The following EXT1 variants were observed in gnomAD, a reference collection of about 807,000 sequenced individuals.
EXT1 encodes the protein exostosin-1.
In EXT1, 20 loss-of-function variants were observed where a neutral mutation model predicts 82.5. The ratio of observed to expected loss-of-function variants is 0.24; its 90% CI spans 0.17 to 0.35. The LOEUF is 0.35. Among genes scored for constraint, EXT1 ranks in the 10% least tolerant of loss-of-function variants. EXT1 has a pLI of 1.00. For synonymous variants in EXT1, 348 were observed against 350.8 expected (o/e 0.99, Z 0.09); for missense variants, 757 against 936.5 (o/e 0.81, Z 2.50).
chr8:118,027,871 C>T (rs943728600), intron 1 of EXT1, among the ~76,000 whole-genome samples: 11 of 152,224 alleles, frequency 7.2e-5, no homozygotes, highest in Non-Finnish European at 1.5e-5. Flanking sequence ...GAATTATTAC[C>T]TTTTATTAGT....
At chr8:117,940,729 A>G (rs1814255857) in intron 1 of EXT1, among the ~76,000 whole-genome samples, 1 of 152,194 alleles carries the variant, frequency 6.6e-6, no homozygotes, top group Non-Finnish European at 1.5e-5. Flanking sequence ...TGGTCTGGGA[A>G]AAACTTTACA....
At chr8:118,065,620 T>A (rs922235167) in intron 1 of EXT1, among the ~76,000 whole-genome samples, 1 of 152,244 alleles carries the variant, frequency 6.6e-6, no homozygotes, top group African/African-American at 2.4e-5. Context: ...AACTGCATAT[T>A]GTGTTGGGCA....
chr8:118,085,448 G>A (rs1448775749), intron 1 of EXT1, among the ~76,000 whole-genome samples: 1 of 143,858 alleles, frequency 7.0e-6, no homozygotes, highest in Non-Finnish European at 1.5e-5. Flanking sequence ...CTAAAGGGTT[G>A]TTTTGTTTGT....
chr8:118,076,554 A>G lies in EXT1; in HGVS notation c.962+33531T>C, dbSNP rs1406358745. Among the ~76,000 whole-genome samples, 3 of 152,218 alleles carry G rather than the reference A, an allele frequency of 2.0e-5. No individual in the cohort carries two copies. In the East Asian group the frequency reaches 5.8e-4, roughly 29 times the overall value. ...ACCTCCTCAAAGGCCTTGAAGGCCAATGGCTGTGTTATTCACCCTCATGCC... is the reference window on the plus strand; with the variant it reads ...ACCTCCTCAAAGGCCTTGAAGGCCAGTGGCTGTGTTATTCACCCTCATGCC... On this transcript the variant is annotated intron_variant, in intron 1 of 10. Transcript: ENST00000378204.
At chr8:118,059,169 G>T (rs11562814) in intron 1 of EXT1, among the ~76,000 whole-genome samples, 1 of 152,054 alleles carries the variant, frequency 6.6e-6, no homozygotes, top group South Asian at 2.1e-4. Flanking sequence ...TTCAGAGCAG[G>T]TACAAGCCTT....
intron 1 of EXT1, among the ~76,000 whole-genome samples, chr8:117,957,378 G>C (rs1345011227): frequency 6.6e-6 from 1 of 152,192 alleles, no homozygotes; most frequent in Non-Finnish European, 1.5e-5. Context: ...AGAGATGCTG[G>C]GGCCTCTAAT....
At chr8:117,911,851 A>G (rs1052642476) in intron 1 of EXT1, among the ~76,000 whole-genome samples, 1 of 152,244 alleles carries the variant, frequency 6.6e-6, no homozygotes, top group African/African-American at 2.4e-5. Context: ...GCAAGCACTC[A>G]GTAAATATTT....
At chr8:117,978,210 G>C (rs1411231243) in intron 1 of EXT1, among the ~76,000 whole-genome samples, 1 of 152,220 alleles carries the variant, frequency 6.6e-6, no homozygotes, top group Non-Finnish European at 1.5e-5. Flanking sequence ...TTAGTATACA[G>C]CAATAAAGGG....
chr8:117,829,239 T>C (rs1316630235), intron 4 of EXT1, among the ~76,000 whole-genome samples: 1 of 152,166 alleles, frequency 6.6e-6, no homozygotes, highest in Non-Finnish European at 1.5e-5. Context: ...AGGCCAATGC[T>C]ATCTGCTCTA....
intron 1 of EXT1, among the ~76,000 whole-genome samples, chr8:117,864,792 T>C (rs17474957): frequency 0.034 from 5,082 of 149,820 alleles, 299 homozygotes; most frequent in African/African-American, 0.12. Flanking sequence ...AATCTCATAA[T>C]GCTTCAGGAA....
At chr8:118,105,338 T>A (rs905748181) in intron 1 of EXT1, among the ~76,000 whole-genome samples, 1 of 152,188 alleles carries the variant, frequency 6.6e-6, no homozygotes. Context: ...TGGCCTCCAA[T>A]GGGCAGGACC....
At chr8:118,078,929 A>C (rs9297575) in intron 1 of EXT1, among the ~76,000 whole-genome samples, 53,532 of 152,118 alleles carry the variant, frequency 0.35, 10,506 homozygotes, top group Admixed American at 0.45. Flanking sequence ...GTGCAAAAAA[A>C]GTGCTGCAAA....
At chr8:117,948,776 A>C (rs1814436782) in intron 1 of EXT1, among the ~76,000 whole-genome samples, 1 of 152,188 alleles carries the variant, frequency 6.6e-6, no homozygotes, top group Non-Finnish European at 1.5e-5. Flanking sequence ...AAACCCTAGT[A>C]ATTTGTCTTG....
intron 1 of EXT1, among the ~76,000 whole-genome samples, chr8:118,086,891 T>C (rs565593669): frequency 6.6e-6 from 1 of 152,324 alleles, no homozygotes; most frequent in Admixed American, 6.5e-5. Flanking sequence ...AGGTTGTTTC[T>C]GAAACTTCCC....
At chr8:117,996,175 T>C (rs980135375) in intron 1 of EXT1, among the ~76,000 whole-genome samples, 5 of 152,062 alleles carry the variant, frequency 3.3e-5, no homozygotes, top group Non-Finnish European at 7.4e-5. Context: ...AGCCACCATA[T>C]GAGGAGGAAC....
intron 1 of EXT1, among the ~76,000 whole-genome samples, chr8:118,066,284 T>G (rs977005487): frequency 6.6e-6 from 1 of 152,084 alleles, no homozygotes; most frequent in Non-Finnish European, 1.5e-5. Flanking sequence ...ATAGTAAATA[T>G]ATTTTCTCTT....
At chr8:117,847,225 T>C (rs1812376870) in intron 1 of EXT1, among the ~76,000 whole-genome samples, 1 of 152,208 alleles carries the variant, frequency 6.6e-6, no homozygotes, top group South Asian at 2.1e-4. Context: ...AAGCCCTTCA[T>C]TACAACAATG....
chr8:117,969,530 C>T lies in EXT1; in HGVS notation c.963-132329G>A, dbSNP rs533035084. Among the ~76,000 whole-genome samples, 4 of 152,306 alleles carry T rather than the reference C, an allele frequency of 2.6e-5. No homozygotes were observed. In the South Asian group the frequency reaches 8.3e-4, roughly 32 times the overall value. On this transcript the variant is annotated intron_variant, in intron 1 of 10. Transcript: ENST00000378204. ...TTTTAAGGCTATTGTGAAACTAACT[C>T]CAGCTTCATCTTTATGGAGCTGTTT...
chr8:118,110,432 C>T lies in EXT1; in HGVS notation c.615G>A (p.Glu205=), dbSNP rs138482333. 3.7e-6 allele frequency: 6 copies of T among 1,614,038 alleles called. No individual in the cohort carries two copies. In the African/African-American group the frequency reaches 6.7e-5, roughly 18 times the overall value. ...LYSGTWPDYT[E]DVGFDIGQAM... The stretch of plus-strand genomic sequence containing the variant: ...CCTGGCCGATGTCAAACCCCACGTC[C>T]TCGGTGTAGTCAGGCCAAGTGCCGG... Residue 205 remains glutamate, a synonymous_variant, in exon 1 of 11, where the codon GAG becomes GAA. Transcript: ENST00000378204.
Sources: gnomAD v4.1 joint callset for allele counts (sites outside exome capture counted in the v4.1 genomes callset) on GRCh38, gnomAD v4.1.1 for gene constraint, MANE v1.5 for transcripts, NCBI Gene and HGNC (gene_info 2026-07-23, HGNC 2026-07-21) for gene names.